VPS50: variants seen among roughly 807,000 people sequenced by gnomAD.
The protein encoded by VPS50 is syndetin.
In VPS50, 70 loss-of-function variants were observed where a neutral mutation model predicts 139.7. The observed-to-expected ratio is 0.50, with a 90% CI of 0.41 to 0.61. The LOEUF is 0.61. VPS50 is among the 20% of genes least tolerant of loss of function. The pLI is 0.00. For synonymous variants in VPS50, 365 were observed against 376.7 expected (o/e 0.97, Z 0.36); for missense variants, 921 against 1,133.7 (o/e 0.81, Z 2.69).
intron 27 of VPS50, 51 bp downstream of exon 27, chr7:93,356,131 T>C: frequency 1.1e-6 from 1 of 904,036 alleles, no homozygotes; most frequent in South Asian, 2.5e-5. Context: ...TTCTTTGTGC[T>C]GTTCTTGTTG....
At chr7:93,287,419 C>T (rs1796522514) in intron 12 of VPS50, among the ~76,000 whole-genome samples, 2 of 147,296 alleles carry the variant, frequency 1.4e-5, no homozygotes, top group African/African-American at 5.1e-5. Flanking sequence ...AATGAAGGAC[C>T]TCTTTTTTTT....
chr7:93,331,198 G>A (rs1232633844), intron 21 of VPS50, among the ~76,000 whole-genome samples: 1 of 150,384 alleles, frequency 6.6e-6, no homozygotes, highest in Non-Finnish European at 1.5e-5. Flanking sequence ...CAAATCTATA[G>A]GTTCAGTACA....
At chr7:93,261,588 G>C (rs1795678670) in intron 9 of VPS50, among the ~76,000 whole-genome samples, 1 of 147,628 alleles carries the variant, frequency 6.8e-6, no homozygotes, top group African/African-American at 2.5e-5. Context: ...TGAGGCAGGA[G>C]AATGGCGTGA....
chr7:93,334,323 A>G (rs1798014589), intron 22 of VPS50, 126 bp downstream of exon 22: 1 of 620,770 alleles, frequency 1.6e-6, no homozygotes, highest in Admixed American at 3.0e-5. Flanking sequence ...AAATGAGTGC[A>G]TATAGGAAGT....
chr7:93,296,771 G>A lies in VPS50; in HGVS notation c.1197G>A (p.Leu399=), dbSNP rs948023050. The stretch of plus-strand genomic sequence containing the variant: ...TTCAGCTAAAAGTAAAAACCTACTT[G>A]CTTGGAACTGATTTGTCTATATTCA... ...QDVQLKVKTY[L]LGTDLSIFKY... The change falls in exon 15 of 28, where the codon TTG becomes TTA. Residue 399 remains leucine, a synonymous_variant. Transcript: ENST00000305866. 13 of 1,604,222 alleles carry A rather than the reference G, an allele frequency of 8.1e-6. No individual in the cohort carries two copies. Among genetic ancestry groups the A allele is most frequent in the African/African-American group, 2.7e-5 (2 of 74,350 alleles).
chr7:93,247,339 T>C (rs1454430947), intron 2 of VPS50, among the ~76,000 whole-genome samples: 1 of 152,042 alleles, frequency 6.6e-6, no homozygotes, highest in African/African-American at 2.4e-5. Flanking sequence ...CAAATCTCAG[T>C]TGTTGCATTT....
chr7:93,340,973 T>A (rs1296478337), intron 22 of VPS50: 3 of 153,516 alleles, frequency 2.0e-5, no homozygotes, highest in Non-Finnish European at 2.9e-5. Context: ...ATAACTTCAT[T>A]CTAGTCCTGC....
At chr7:93,287,796 G>T (rs1169437530) in intron 12 of VPS50, among the ~76,000 whole-genome samples, 1 of 152,002 alleles carries the variant, frequency 6.6e-6, no homozygotes, top group Non-Finnish European at 1.5e-5. Flanking sequence ...GCTTTGCCTT[G>T]TTCTTGGAAA....
At chr7:93,326,837 A>C (rs1380571776) in intron 21 of VPS50, among the ~76,000 whole-genome samples, 1 of 152,142 alleles carries the variant, frequency 6.6e-6, no homozygotes. Context: ...TTATATAAAT[A>C]TTTATATCCT....
chr7:93,293,852 G>T (rs1260729915), intron 13 of VPS50, among the ~76,000 whole-genome samples: 1 of 152,090 alleles, frequency 6.6e-6, no homozygotes, highest in East Asian at 1.9e-4. Context: ...TGTATCTGAG[G>T]CCTGGCATTT....
At position 93,290,896 on chromosome 7, in the gene VPS50, A is replaced by G. The variant is rs533733214; in HGVS notation, c.943-807A>G. ...ACCATGGCAATACTTGCCATAGCTT[A>G]TTTCTACTAGCTGTTTATCTTGGGG... is the stretch of plus-strand genomic sequence containing the variant. On this transcript the variant is annotated intron_variant, in intron 12 of 27. Coordinates refer to ENST00000305866, the MANE Select transcript of VPS50 (RefSeq NM_017667.4). Among the ~76,000 whole-genome samples, 607 of 152,142 alleles carry G rather than the reference A, an allele frequency of 4.0e-3. 1 individual carries two copies. Among genetic ancestry groups the G allele is most frequent in the Non-Finnish European group, 6.2e-3 (421 of 67,936 alleles).
chr7:93,312,400 T>C (rs1224743538), intron 20 of VPS50, among the ~76,000 whole-genome samples: 1 of 152,138 alleles, frequency 6.6e-6, no homozygotes, highest in Non-Finnish European at 1.5e-5. Flanking sequence ...TTCTGTAATG[T>C]CTCTCATACA....
At chr7:93,307,267 A>G (rs1342942963) in intron 18 of VPS50, among the ~76,000 whole-genome samples, 1 of 151,906 alleles carries the variant, frequency 6.6e-6, no homozygotes, top group Non-Finnish European at 1.5e-5. Context: ...TGCCTAAATG[A>G]AGCTTATCAG....
intron 12 of VPS50, among the ~76,000 whole-genome samples, chr7:93,280,728 G>A (rs1796300401): frequency 1.3e-5 from 2 of 152,022 alleles, no homozygotes; most frequent in Admixed American, 1.3e-4. Flanking sequence ...TAATTAGGAT[G>A]TTATTGATTA....
chr7:93,339,987 A>G (rs552327551), intron 22 of VPS50, among the ~76,000 whole-genome samples: 1 of 152,322 alleles, frequency 6.6e-6, no homozygotes, highest in East Asian at 1.9e-4. Flanking sequence ...CTATAGTTAA[A>G]CTAAAAGTAT....
At chr7:93,310,489 T>C (rs1797236577) in intron 19 of VPS50, among the ~76,000 whole-genome samples, 1 of 151,910 alleles carries the variant, frequency 6.6e-6, no homozygotes, top group Non-Finnish European at 1.5e-5. Context: ...TAGTTACAAA[T>C]TTAATCATGC....
intron 12 of VPS50, among the ~76,000 whole-genome samples, chr7:93,281,913 C>T (rs1796338452): frequency 6.6e-6 from 1 of 152,080 alleles, no homozygotes; most frequent in African/African-American, 2.4e-5. Flanking sequence ...ACATTATAAA[C>T]AATTTTTCCG....
intron 17 of VPS50, 62 bp downstream of exon 17, chr7:93,303,612 GA>G (rs199699453): frequency 1.2e-3 from 747 of 621,074 alleles, no homozygotes; most frequent in South Asian, 2.7e-3. Flanking sequence ...CCTTTTTTTT[GA>G]AAAAAAAAAT....
Position 93,290,341 on chromosome 7 carries a change from A to T in VPS50, c.943-1362A>T, listed in dbSNP as rs151290236. 4.8e-3 allele frequency among the ~76,000 whole-genome samples: 725 copies of T among 152,164 alleles called. 7 individuals are homozygous for T. The highest frequency in any genetic ancestry group is 8.1e-3 in the Non-Finnish European group (552 of 67,938). ...CAGCCCATATGCTGTGAATCAAACA[A>T]AGAAATTATTGAATTAGCAGGTGTT... On this transcript the variant is annotated intron_variant, in intron 12 of 27. Coordinates refer to ENST00000305866, the MANE Select transcript of VPS50 (RefSeq NM_017667.4).
Sources: gnomAD v4.1 joint callset for allele counts (sites outside exome capture counted in the v4.1 genomes callset) on GRCh38, gnomAD v4.1.1 for gene constraint, MANE v1.5 for transcripts, NCBI Gene and HGNC (gene_info 2026-07-23, HGNC 2026-07-21) for gene names.